The following ABCA4 variants were observed in gnomAD, a reference collection of about 807,000 sequenced individuals.
ABCA4 encodes retinal-specific phospholipid-transporting ATPase ABCA4.
A neutral mutation model predicts 263.7 loss-of-function variants in ABCA4; 196 were observed. The ratio of observed to expected loss-of-function variants is 0.74; its 90% CI spans 0.66 to 0.84. ABCA4 has a LOEUF of 0.84. Among genes scored for constraint, ABCA4 ranks in the 40% least tolerant of loss-of-function variants. ABCA4 has a pLI of 0.00. For missense variants in ABCA4, 2,792 were observed against 2,855.1 expected (o/e 0.98, Z 0.50); for synonymous variants, 1,133 against 1,094.2 (o/e 1.04, Z -0.70).
chr1:94,006,502 C>A (rs1659390867), intron 43 of ABCA4, among the ~76,000 whole-genome samples: 1 of 152,208 alleles, frequency 6.6e-6, no homozygotes. Context: ...TCTATGATAT[C>A]TTTCCCCTGC....
At chr1:94,068,517 G>A (rs1661330539) in intron 11 of ABCA4, among the ~76,000 whole-genome samples, 2 of 152,166 alleles carry the variant, frequency 1.3e-5, no homozygotes, top group African/African-American at 4.8e-5. Context: ...GTATATTAGT[G>A]CACGTATGTA....
chr1:94,030,473 T>A lies in ABCA4; in HGVS notation c.4307A>T (p.Asn1436Ile). The change falls in exon 29 of 50, where the codon AAT (asparagine) becomes ATT (isoleucine). Residue 1436 changes from asparagine (N) to isoleucine (I), a missense_variant. Transcript: ENST00000370225. ...GCAGCGGTTGCCAAAGCCTGGCTTA[T>A]TCAGGAGGACGTCTGCAAGTACCGT... ...QFTVLADVLL[N>I]KPGFGNRCLK... 6.2e-7 allele frequency: 1 copy of A among 1,614,234 alleles called. No homozygotes were observed. The highest frequency in any genetic ancestry group is 8.5e-7 in the Non-Finnish European group (1 of 1,180,040).
At chr1:94,044,071 T>C (rs1660599259) in intron 20 of ABCA4, among the ~76,000 whole-genome samples, 4 of 138,448 alleles carry the variant, frequency 2.9e-5, no homozygotes, top group Non-Finnish European at 3.1e-5. Flanking sequence ...CCTCGCTTCC[T>C]TCTCCCCTCC....
chr1:94,111,781 C>T (rs902130333), intron 2 of ABCA4, among the ~76,000 whole-genome samples: 6 of 152,066 alleles, frequency 3.9e-5, no homozygotes, highest in Non-Finnish European at 8.8e-5. Context: ...CTCAAGCTCC[C>T]GGTGTAGTGG....
Position 94,044,717 on chromosome 1 carries a change from T to G in ABCA4, c.2946A>C (p.Pro982=). The part of the protein sequence containing the change: ...TLSILTGLLP[P]TSGTVLVGGR... The stretch of plus-strand genomic sequence containing the variant: ...CCCCAACGAGCACAGTCCCAGAGGT[T>G]GGTGGCAACAGACCCGTCAGGATGG... Residue 982 remains proline (P), a synonymous_variant, in exon 20 of 50, where the codon CCA becomes CCC. Transcript: ENST00000370225. 12 of 1,614,164 alleles carry G rather than the reference T, an allele frequency of 7.4e-6. No individual in the cohort carries two copies. The highest frequency in any genetic ancestry group is 1.0e-5 in the Non-Finnish European group (12 of 1,180,020).
At chr1:94,111,294 C>A (rs112591902) in intron 3 of ABCA4, 144 bp downstream of exon 3, 103 of 1,172,448 alleles carry the variant, frequency 8.8e-5, no homozygotes, top group South Asian at 4.8e-4. Flanking sequence ...AGAGAGGAAA[C>A]CTGCTCTGCT....
chr1:94,042,737 A>T (rs765619380), intron 22 of ABCA4, 24 bp downstream of exon 22: 2 of 1,614,190 alleles, frequency 1.2e-6, no homozygotes, highest in East Asian at 4.5e-5. Flanking sequence ...AGCCCAGCCC[A>T]GGAGACTGAG....
chr1:94,102,027 C>T (rs140342447), intron 5 of ABCA4, among the ~76,000 whole-genome samples: 19 of 152,274 alleles, frequency 1.2e-4, no homozygotes, highest in African/African-American at 4.1e-4. Flanking sequence ...ATTGAGAGGA[C>T]CTGGATTCCA....
At chr1:94,019,794 T>G (rs769876071) in intron 35 of ABCA4, 35 bp from the exon 36 acceptor site, 1 of 1,595,982 alleles carries the variant, frequency 6.3e-7, no homozygotes, top group Non-Finnish European at 8.5e-7. Flanking sequence ...GAGAGGGCGA[T>G]GAAGAGGGAA....
At chr1:94,006,018 G>T (rs919632941) in intron 43 of ABCA4, among the ~76,000 whole-genome samples, 1 of 152,156 alleles carries the variant, frequency 6.6e-6, no homozygotes, top group African/African-American at 2.4e-5. Flanking sequence ...AATGAAAGAG[G>T]AGCCAGTCAG....
chr1:94,093,515 G>T (rs1006767508), intron 6 of ABCA4, among the ~76,000 whole-genome samples: 1 of 152,206 alleles, frequency 6.6e-6, no homozygotes, highest in African/African-American at 2.4e-5. Flanking sequence ...CATTGTAGGC[G>T]CCTAGTGCGT....
rs76080088 is a variant in ABCA4 at position 94,081,668 on chromosome 1, G to C, written c.859-950C>G. Among the ~76,000 whole-genome samples the C allele has an allele frequency of 5.4e-4, 82 of 152,196 alleles. No homozygotes were observed. In the East Asian group the frequency reaches 0.014, roughly 27 times the overall value. On this transcript the variant is annotated intron_variant, in intron 7 of 49. Coordinates refer to ENST00000370225, the MANE Select transcript of ABCA4 (RefSeq NM_000350.3). ...TTAAAATTCTAGCAAATACAGAACA[G>C]ATGAAGTATCCATTCCTGGAAAAAC...
intron 6 of ABCA4, among the ~76,000 whole-genome samples, chr1:94,089,118 T>C (rs955124102): frequency 6.6e-6 from 1 of 152,218 alleles, no homozygotes; most frequent in Non-Finnish European, 1.5e-5. Flanking sequence ...AAAGCATCTG[T>C]GTCCATATCT....
chr1:94,026,126 G>GTGC (rs1190209794), intron 30 of ABCA4, among the ~76,000 whole-genome samples: 2 of 152,218 alleles, frequency 1.3e-5, no homozygotes, highest in Non-Finnish European at 2.9e-5. Context: ...TCTGTCAAGG[G>GTGC]TGCTGCCCAG....
At chr1:94,042,731 C>T (rs376887831) in intron 22 of ABCA4, 30 bp downstream of exon 22, 39 of 1,613,988 alleles carry the variant, frequency 2.4e-5, no homozygotes, top group Non-Finnish European at 3.2e-5. Context: ...AGTGAGAGCC[C>T]AGCCCAGGAG....
chr1:94,043,518 C>T (rs1210631983), intron 20 of ABCA4, 43 bp from the exon 21 acceptor site: 1 of 1,612,598 alleles, frequency 6.2e-7, no homozygotes, highest in Non-Finnish European at 8.5e-7. Flanking sequence ...CTTAGCACTT[C>T]CACTTCCAGC....
intron 5 of ABCA4, among the ~76,000 whole-genome samples, chr1:94,101,835 C>T (rs973021463): frequency 6.6e-6 from 1 of 152,212 alleles, no homozygotes; most frequent in Non-Finnish European, 1.5e-5. Context: ...CCTGAGCCTG[C>T]GGAATCACCT....
chr1:94,032,682 T>C (rs1660238422), intron 26 of ABCA4, among the ~76,000 whole-genome samples: 1 of 152,182 alleles, frequency 6.6e-6, no homozygotes, highest in South Asian at 2.1e-4. Flanking sequence ...ACTAAGGTGC[T>C]GGTCAATATG....
At position 94,040,026 on chromosome 1, in the gene ABCA4, GCCCGTCCAGT is replaced by G. The variant is rs756600592; in HGVS notation, c.3607+7_3607+16del. 6.3e-7 allele frequency: 1 copy of G among 1,584,660 alleles called. No homozygotes were observed. The highest frequency in any genetic ancestry group is 1.1e-5 in the South Asian group (1 of 87,142). On this transcript the variant is annotated splice_region_variant and intron_variant, in intron 24 of 49. Coordinates refer to ENST00000370225, the MANE Select transcript of ABCA4 (RefSeq NM_000350.3). ...GGCTGCCAGACGGAACCCAAGTATG[GCCCGTCCAGT>G]CCTTACCATCCAGGACTTGTTCTGG...
Sources: gnomAD v4.1 joint callset for allele counts (sites outside exome capture counted in the v4.1 genomes callset) on GRCh38, gnomAD v4.1.1 for gene constraint, MANE v1.5 for transcripts, NCBI Gene and HGNC (gene_info 2026-07-23, HGNC 2026-07-21) for gene names.